Variants in SNTG1 observed in about 807,000 individuals in gnomAD.
SNTG1 encodes gamma-1-syntrophin.
In SNTG1, 39 loss-of-function variants were observed where a neutral mutation model predicts 74.7. The ratio of observed to expected loss-of-function variants is 0.52; its 90% CI spans 0.40 to 0.68. SNTG1 has a LOEUF of 0.68. SNTG1 is among the 30% of genes least tolerant of loss of function. SNTG1 has a pLI of 0.00. For synonymous variants in SNTG1, 254 were observed against 217.1 expected, an observed-to-expected ratio of 1.17 and a Z score of -1.49; for missense variants, 685 against 609.5, an observed-to-expected ratio of 1.12 and a Z score of -1.30.
chr8:50,289,863 G>T (rs2088994704), intron 2 of SNTG1, among the ~76,000 whole-genome samples: 1 of 152,144 alleles, frequency 6.6e-6, no homozygotes, highest in African/African-American at 2.4e-5. Flanking sequence ...CTTCCTTTGG[G>T]ATGTCTGTTT....
At chr8:50,301,049 G>T (rs1465123133) in intron 2 of SNTG1, among the ~76,000 whole-genome samples, 1 of 151,976 alleles carries the variant, frequency 6.6e-6, no homozygotes, top group Non-Finnish European at 1.5e-5. Context: ...ATCTAGGTGT[G>T]TGTTTTTGTA....
chr8:50,707,223 C>T (rs1029447711), intron 16 of SNTG1, among the ~76,000 whole-genome samples: 1 of 151,788 alleles, frequency 6.6e-6, no homozygotes, highest in African/African-American at 2.4e-5. Context: ...TACACTGCAC[C>T]GAATTTATTT....
chr8:50,421,717 G>A (rs1465001482), intron 4 of SNTG1, among the ~76,000 whole-genome samples: 2 of 152,000 alleles, frequency 1.3e-5, no homozygotes, highest in African/African-American at 4.8e-5. Context: ...ATAGGCTCTT[G>A]GCCCCCTAAA....
At position 50,493,685 on chromosome 8, in the gene SNTG1, A is replaced by G. The variant is rs1008205583; in HGVS notation, c.364-9093A>G. ...ACAGCTTCTAAGGTCAACGCTGTATATAAGTGTATAATTTTTAAAAAAGAT... is the reference window on the plus strand; with the variant it reads ...ACAGCTTCTAAGGTCAACGCTGTATGTAAGTGTATAATTTTTAAAAAAGAT... On this transcript the variant is annotated intron_variant, in intron 8 of 18. Transcript: ENST00000642720. Among the ~76,000 whole-genome samples the G allele has an allele frequency of 2.0e-5, 3 of 151,660 alleles. No individual in the cohort carries two copies. In the South Asian group the frequency reaches 6.2e-4, roughly 31 times the overall value.
At chr8:50,657,409 TA>T (rs1563703517) in intron 14 of SNTG1, among the ~76,000 whole-genome samples, 1 of 152,164 alleles carries the variant, frequency 6.6e-6, no homozygotes. Context: ...TAAAAAAGAA[TA>T]AACTGTTTTA....
rs567015236 is a variant in SNTG1, at chr8:50,353,294, T to C, written c.-27-40918T>C. On this transcript the variant is annotated intron_variant, in intron 2 of 18. Transcript: ENST00000642720. Reference sequence around the variant, plus strand: ...GGGGGAGGGATAGCATTAGGAGATATACCTATTGTAAATGACGAGTTAATG... The same window carrying C: ...GGGGGAGGGATAGCATTAGGAGATACACCTATTGTAAATGACGAGTTAATG... Among the ~76,000 whole-genome samples the C allele has an allele frequency of 1.2e-4, 18 of 148,528 alleles. 1 individual carries two copies. The highest frequency in any genetic ancestry group is 3.9e-4 in the African/African-American group (16 of 40,728).
Position 50,510,894 on chromosome 8 carries a change from G to C in SNTG1, c.466+8014G>C, listed in dbSNP as rs548114866. 2.6e-5 allele frequency among the ~76,000 whole-genome samples: 4 copies of C among 152,186 alleles called. No homozygotes were observed. In the South Asian group the frequency reaches 8.3e-4, roughly 32 times the overall value. ...CCTGGATTCATTGATTTTTTGAACA[G>C]TTTTTTGTGTCTCTATTTCCTTCAT... On this transcript the variant is annotated intron_variant, in intron 9 of 18. Coordinates refer to ENST00000642720, the MANE Select transcript of SNTG1 (RefSeq NM_018967.5).
At chr8:50,053,149 G>A (rs188048573) in intron 1 of SNTG1, among the ~76,000 whole-genome samples, 33 of 152,174 alleles carry the variant, frequency 2.2e-4, no homozygotes, top group Admixed American at 1.7e-3. Context: ...GTGGAATTAC[G>A]CACCATAGTT....
At chr8:50,323,115 A>C (rs1225623781) in intron 2 of SNTG1, among the ~76,000 whole-genome samples, 1 of 152,022 alleles carries the variant, frequency 6.6e-6, no homozygotes, top group East Asian at 1.9e-4. Context: ...TGGAAAAAAA[A>C]AAAAAAAAGA....
At chr8:50,445,119 G>T (rs1174750888) in intron 5 of SNTG1, among the ~76,000 whole-genome samples, 2 of 152,022 alleles carry the variant, frequency 1.3e-5, no homozygotes, top group African/African-American at 4.8e-5. Flanking sequence ...TCATATGAAG[G>T]TAATCATATA....
chr8:50,458,458 C>CA (rs1203703134), intron 8 of SNTG1, among the ~76,000 whole-genome samples: 1 of 151,786 alleles, frequency 6.6e-6, no homozygotes, highest in African/African-American at 2.4e-5. Context: ...ATATGACAGA[C>CA]AAAGAATATG....
intron 2 of SNTG1, among the ~76,000 whole-genome samples, chr8:50,264,080 A>G (rs939669216): frequency 1.3e-5 from 2 of 152,252 alleles, no homozygotes; most frequent in African/African-American, 4.8e-5. Flanking sequence ...ATTCTCGAAT[A>G]AACAAGATAT....
chr8:50,518,019 C>T (rs759977347), intron 9 of SNTG1, among the ~76,000 whole-genome samples: 9 of 152,186 alleles, frequency 5.9e-5, no homozygotes, highest in Non-Finnish European at 1.3e-4. Flanking sequence ...CTTAGCACCA[C>T]ATCACACTTA....
intron 11 of SNTG1, among the ~76,000 whole-genome samples, chr8:50,543,403 G>A (rs148052429): frequency 1.0e-3 from 154 of 152,108 alleles, no homozygotes; most frequent in Non-Finnish European, 2.0e-3. Context: ...TGATTTCTGG[G>A]TTCTCTATTC....
At chr8:50,072,122 G>T (rs544279952) in intron 1 of SNTG1, among the ~76,000 whole-genome samples, 3 of 152,130 alleles carry the variant, frequency 2.0e-5, no homozygotes, top group Non-Finnish European at 4.4e-5. Context: ...TTATGGCTAA[G>T]ACCTTGAGCT....
chr8:50,538,484 G>A (rs1370452996), intron 11 of SNTG1, among the ~76,000 whole-genome samples: 1 of 152,082 alleles, frequency 6.6e-6, no homozygotes, highest in East Asian at 1.9e-4. Context: ...AGACTTTGGA[G>A]TTGACAGTTC....
chr8:50,515,882 C>G (rs990854496), intron 9 of SNTG1, among the ~76,000 whole-genome samples: 5 of 152,146 alleles, frequency 3.3e-5, no homozygotes, highest in African/African-American at 1.2e-4. Flanking sequence ...ACGGCTTCAG[C>G]AGACTTAAAC....
At chr8:50,349,543 G>A (rs2091583099) in intron 2 of SNTG1, among the ~76,000 whole-genome samples, 1 of 151,844 alleles carries the variant, frequency 6.6e-6, no homozygotes, top group Admixed American at 6.6e-5. Context: ...TCTCAGTTTG[G>A]ATTTTGCTAG....
intron 1 of SNTG1, among the ~76,000 whole-genome samples, chr8:49,938,611 C>CTTTTCTTTTCTTTTCT (rs71928710): frequency 1.6e-4 from 2 of 12,568 alleles, no homozygotes; most frequent in South Asian, 4.9e-3. Flanking sequence ...TCTTTTCTTT[C>CTTTTCTTTTCTTTTCT]TTTCTTTCTT....
Sources: allele counts gnomAD v4.1 joint callset (sites outside exome capture counted in the v4.1 genomes callset), GRCh38; gene constraint gnomAD v4.1.1; transcripts MANE v1.5; gene names NCBI Gene and HGNC (gene_info 2026-07-23, HGNC 2026-07-21).